TMEM132D: variants seen among roughly 807,000 people sequenced by gnomAD.
The protein encoded by TMEM132D is mature OL transmembrane protein.
A neutral mutation model predicts 62.3 loss-of-function variants in TMEM132D; 21 were observed. That is an observed-to-expected ratio of 0.34 (90% confidence interval 0.24 to 0.49). The LOEUF (loss-of-function observed/expected upper bound fraction) is 0.49, where lower values mean the gene tolerates loss of function less well. TMEM132D is among the 20% of genes least tolerant of loss of function. The pLI is 0.99. For missense variants in TMEM132D, 1,346 were observed against 1,402.8 expected, an observed-to-expected ratio of 0.96 and a Z score of 0.65; for synonymous variants, 621 against 575.6, an observed-to-expected ratio of 1.08 and a Z score of -1.13.
chr12:129,459,375 A>T (rs1593018815), intron 3 of TMEM132D, among the ~76,000 whole-genome samples: 1 of 152,182 alleles, frequency 6.6e-6, no homozygotes, highest in Non-Finnish European at 1.5e-5. Context: ...GATCTCTCCA[A>T]CGTTTATGGA....
chr12:129,285,018 C>A (rs1743917075), intron 4 of TMEM132D, among the ~76,000 whole-genome samples: 1 of 152,162 alleles, frequency 6.6e-6, no homozygotes, highest in Admixed American at 6.5e-5. Flanking sequence ...ATACGAAATG[C>A]CACTGAATTG....
intron 2 of TMEM132D, among the ~76,000 whole-genome samples, chr12:129,653,619 G>A (rs983198128): frequency 6.6e-6 from 1 of 152,132 alleles, no homozygotes; most frequent in African/African-American, 2.4e-5. Context: ...ATGGCAACTG[G>A]CTGTGTACAT....
At chr12:129,765,565 TCCCAAAAAAAAAAAAAAGA>T (rs1301782217) in intron 1 of TMEM132D, among the ~76,000 whole-genome samples, 1 of 16,994 alleles carries the variant, frequency 5.9e-5, no homozygotes, top group Admixed American at 5.6e-4. Context: ...AAATTGCATC[TCCCAAAAAAAAAAAAAAGA>T]CCCAGAAAAA....
intron 1 of TMEM132D, among the ~76,000 whole-genome samples, chr12:129,849,046 G>T (rs1873450205): frequency 1.3e-5 from 2 of 152,082 alleles, no homozygotes; most frequent in African/African-American, 4.8e-5. Context: ...ACTGGAGTAG[G>T]GGCTTAGTAA....
At chr12:129,844,793 G>C (rs947573904) in intron 1 of TMEM132D, among the ~76,000 whole-genome samples, 17 of 152,112 alleles carry the variant, frequency 1.1e-4, no homozygotes, top group African/African-American at 4.1e-4. Flanking sequence ...AGTCCTTAAT[G>C]AACTAGTAAC....
chr12:129,364,940 T>G (rs1486779050), intron 3 of TMEM132D, among the ~76,000 whole-genome samples: 1 of 152,190 alleles, frequency 6.6e-6, no homozygotes, highest in Non-Finnish European at 1.5e-5. Context: ...GAGAAAACCA[T>G]TGTTAGATTT....
intron 2 of TMEM132D, among the ~76,000 whole-genome samples, chr12:129,683,239 G>C (rs1398050604): frequency 6.6e-6 from 1 of 152,146 alleles, no homozygotes; most frequent in Non-Finnish European, 1.5e-5. Context: ...ATGTTAGAAA[G>C]GGTAGGCTTT....
At chr12:129,793,335 A>G (rs1871456549) in intron 1 of TMEM132D, among the ~76,000 whole-genome samples, 1 of 152,072 alleles carries the variant, frequency 6.6e-6, no homozygotes, top group East Asian at 1.9e-4. Flanking sequence ...CATGAGATAA[A>G]TTCTCCAGCT....
intron 1 of TMEM132D, among the ~76,000 whole-genome samples, chr12:129,802,081 T>C (rs369837789): frequency 1.3e-5 from 2 of 149,512 alleles, no homozygotes; most frequent in African/African-American, 2.5e-5. Context: ...CTGAAAGTGA[T>C]GGGGAGAATG....
chr12:129,852,023 G>A (rs1484123433), intron 1 of TMEM132D, among the ~76,000 whole-genome samples: 1 of 152,150 alleles, frequency 6.6e-6, no homozygotes, highest in Non-Finnish European at 1.5e-5. Flanking sequence ...CCCTCGAGCT[G>A]CAGCTTGCAG....
chr12:129,188,628 G>C (rs1054741667), intron 5 of TMEM132D, among the ~76,000 whole-genome samples: 2 of 152,098 alleles, frequency 1.3e-5, no homozygotes, highest in Non-Finnish European at 2.9e-5. Flanking sequence ...TAGCTGTCAG[G>C]CACAGGTGTG....
chr12:129,771,096 G>C (rs1315833962), intron 1 of TMEM132D, among the ~76,000 whole-genome samples: 3 of 152,182 alleles, frequency 2.0e-5, no homozygotes, highest in Admixed American at 6.5e-5. Context: ...TCGGGCTCCA[G>C]CTGTGTTCCT....
intron 5 of TMEM132D, among the ~76,000 whole-genome samples, chr12:129,172,985 T>A (rs533559739): frequency 2.0e-5 from 3 of 152,292 alleles, no homozygotes; most frequent in African/African-American, 7.2e-5. Flanking sequence ...CAACATTTAT[T>A]AAGTTTGCCA....
At chr12:129,396,802 C>T (rs1871445021) in intron 3 of TMEM132D, among the ~76,000 whole-genome samples, 1 of 152,122 alleles carries the variant, frequency 6.6e-6, no homozygotes, top group African/African-American at 2.4e-5. Flanking sequence ...TTTTTTATTT[C>T]TTAAAAATGT....
intron 3 of TMEM132D, among the ~76,000 whole-genome samples, chr12:129,412,594 C>T (rs1464733423): frequency 1.3e-5 from 2 of 152,118 alleles, no homozygotes; most frequent in African/African-American, 4.8e-5. Flanking sequence ...CGGTGGCTCA[C>T]ACCTGTAATC....
intron 5 of TMEM132D, among the ~76,000 whole-genome samples, chr12:129,090,196 C>T (rs1360316595): frequency 2.6e-5 from 4 of 152,196 alleles, no homozygotes; most frequent in African/African-American, 9.7e-5. Flanking sequence ...AACAAAAGTC[C>T]TTAAATCTGA....
intron 2 of TMEM132D, among the ~76,000 whole-genome samples, chr12:129,590,904 C>T (rs780423613): frequency 2.6e-5 from 4 of 152,138 alleles, no homozygotes; most frequent in Non-Finnish European, 5.9e-5. Context: ...TTCCATTGAA[C>T]GGACCACCAG....
At chr12:129,697,977 T>C (rs1397934555) in intron 2 of TMEM132D, among the ~76,000 whole-genome samples, 1 of 152,144 alleles carries the variant, frequency 6.6e-6, no homozygotes, top group East Asian at 1.9e-4. Flanking sequence ...GGGATTGCAG[T>C]GTTTAATCCT....
chr12:129,226,958 G>A (rs987550087), intron 4 of TMEM132D, among the ~76,000 whole-genome samples: 3 of 152,098 alleles, frequency 2.0e-5, no homozygotes, highest in African/African-American at 4.8e-5. Context: ...GCACTGCTTC[G>A]TTTTGCATAA....
Sources: gnomAD v4.1 joint callset for allele counts (sites outside exome capture counted in the v4.1 genomes callset) on GRCh38, gnomAD v4.1.1 for gene constraint, MANE v1.5 for transcripts, NCBI Gene and HGNC (gene_info 2026-07-23, HGNC 2026-07-21) for gene names.